NRIP1: variants seen among roughly 807,000 people sequenced by gnomAD.
NRIP1 encodes the protein nuclear receptor-interacting protein 1.
A neutral mutation model predicts 75.0 loss-of-function variants in NRIP1; 28 were observed. The ratio of observed to expected loss-of-function variants is 0.37; its 90% CI spans 0.28 to 0.51. The LOEUF is 0.51. Ranked by LOEUF, NRIP1 falls within the 20% of genes least tolerant of loss-of-function variation. The pLI is 0.92. For synonymous variants in NRIP1, 526 were observed against 487.6 expected, an observed-to-expected ratio of 1.08 and a Z score of -1.04; for missense variants, 1,435 against 1,343.7, an observed-to-expected ratio of 1.07 and a Z score of -1.06.
chr21:15,051,064 A>G (rs2089190215), intron 1 of NRIP1: 3 of 375,524 alleles, frequency 8.0e-6, no homozygotes, highest in South Asian at 6.0e-5. Flanking sequence ...CCTTTCCCAC[A>G]GATACTCCAG....
At position 14,967,082 on chromosome 21, in the gene NRIP1, T is replaced by C; in HGVS notation, c.1111A>G (p.Ile371Val). Residue 371 changes from isoleucine to valine, a missense_variant, in exon 4 of 4, where the codon ATA becomes GTA. By Grantham distance (29) the Ile-to-Val change is conservative. Transcript: ENST00000318948. ...GYKNSLERNN[I>V]KQAANNSLLL... Reference sequence around the variant, plus strand: ...AAACTATTGTTAGCAGCTTGTTTTATATTGTTTCTTTCCAGTGAGTTCTTA... The same window carrying C: ...AAACTATTGTTAGCAGCTTGTTTTACATTGTTTCTTTCCAGTGAGTTCTTA... 1 of 1,614,140 alleles carries C rather than the reference T, an allele frequency of 6.2e-7. No individual in the cohort carries two copies. The highest frequency in any genetic ancestry group is 8.5e-7 in the Non-Finnish European group (1 of 1,180,016).
In NRIP1 at chr21:14,967,313, C is replaced by G; in HGVS notation, c.880G>C (p.Ala294Pro). The G allele has an allele frequency of 1.2e-6, 2 of 1,614,076 alleles. No homozygotes were observed. Among genetic ancestry groups the G allele is most frequent in the Non-Finnish European group, 1.7e-6 (2 of 1,180,010 alleles). Reference protein sequence around the residue: ...ALKTQNANQAASERLAAMARL... With the variant: ...ALKTQNANQAPSERLAAMARL... The stretch of plus-strand genomic sequence containing the variant: ...GCCATAGCAGCAAGTCTTTCACTTG[C>G]TGCTTGATTTGCATTTTGCGTTTTT... Residue 294 changes from alanine (A) to proline (P), a missense_variant, in exon 4 of 4, where the codon GCA becomes CCA. By Grantham distance (27) the Ala-to-Pro change is conservative. Coordinates refer to ENST00000318948, the MANE Select transcript of NRIP1 (RefSeq NM_003489.4).
At chr21:14,990,086 C>T (rs1380009315) in intron 3 of NRIP1, among the ~76,000 whole-genome samples, 1 of 152,078 alleles carries the variant, frequency 6.6e-6, no homozygotes, top group Non-Finnish European at 1.5e-5. Context: ...AATGAATACT[C>T]TAGAATCAGA....
chr21:15,028,690 T>A (rs1378351574), intron 2 of NRIP1, among the ~76,000 whole-genome samples: 1 of 152,226 alleles, frequency 6.6e-6, no homozygotes, highest in Non-Finnish European at 1.5e-5. Context: ...TGTTTCCCTG[T>A]GTTGTTCAAT....
At chr21:14,991,023 ACTT>A (rs1435837477) in intron 3 of NRIP1, among the ~76,000 whole-genome samples, 1 of 151,824 alleles carries the variant, frequency 6.6e-6, no homozygotes, top group Admixed American at 6.6e-5. Flanking sequence ...GCATGTCTCT[ACTT>A]CTTCTTAAAT....
chr21:15,035,753 T>C (rs942553294), intron 2 of NRIP1, among the ~76,000 whole-genome samples: 1 of 152,022 alleles, frequency 6.6e-6, no homozygotes. Flanking sequence ...GGACGAGGTT[T>C]CACTGTGCTG....
At chr21:15,034,450 G>C (rs1245684031) in intron 2 of NRIP1, among the ~76,000 whole-genome samples, 1 of 152,134 alleles carries the variant, frequency 6.6e-6, no homozygotes, top group Non-Finnish European at 1.5e-5. Context: ...CGAAAAGCAA[G>C]TCCATGTGGG....
At chr21:15,027,515 A>G (rs926920566) in intron 2 of NRIP1, among the ~76,000 whole-genome samples, 3 of 152,216 alleles carry the variant, frequency 2.0e-5, no homozygotes, top group Non-Finnish European at 4.4e-5. Context: ...GAGTATATAA[A>G]GAGATACACT....
In NRIP1 at chr21:14,966,962, G is replaced by C; in HGVS notation, c.1231C>G (p.Pro411Ala). The change falls in exon 4 of 4, where the codon CCT becomes GCT. Residue 411 changes from proline to alanine, a missense_variant. Transcript: ENST00000318948. Reference sequence around the variant, plus strand: ...TCTGAATATTCATCAATAGTTGTAGGTGTACTACTTTCCTCAAAAATGCTT... The same window carrying C: ...TCTGAATATTCATCAATAGTTGTAGCTGTACTACTTTCCTCAAAAATGCTT... ...RGSIFEESST[P>A]TTIDEYSDNN... The C allele has an allele frequency of 6.2e-7, 1 of 1,614,086 alleles. No individual in the cohort carries two copies. The highest frequency in any genetic ancestry group is 8.5e-7 in the Non-Finnish European group (1 of 1,179,944).
chr21:14,984,725 C>T (rs190657495), intron 3 of NRIP1, among the ~76,000 whole-genome samples: 60 of 152,230 alleles, frequency 3.9e-4, no homozygotes, highest in African/African-American at 1.4e-3. Flanking sequence ...GTCAACGTGG[C>T]GAATTTCATT....
At chr21:15,009,715 C>T (rs757139074) in intron 3 of NRIP1, among the ~76,000 whole-genome samples, 13 of 151,918 alleles carry the variant, frequency 8.6e-5, no homozygotes, top group Admixed American at 5.2e-4. Flanking sequence ...ATAAAAATTG[C>T]CAGTAATGAC....
intron 3 of NRIP1, chr21:14,974,257 C>G (rs1278427416): frequency 1.3e-5 from 2 of 152,040 alleles, no homozygotes. Flanking sequence ...AAACTGACAG[C>G]TCATCAACAG....
chr21:14,968,302 A>G lies in NRIP1; in HGVS notation c.-110T>C. The G allele has an allele frequency of 1.4e-6, 1 of 706,960 alleles. No individual in the cohort carries two copies. The allele number at this position is 706,960 out of a possible 1,614,324, so 43.8% of individuals were successfully genotyped here. On this transcript the variant is annotated 5_prime_UTR_variant, in exon 4 of 4. An upstream start codon of the reference 5' UTR is lost. Transcript: ENST00000318948. Reference sequence around the variant, plus strand: ...AAGGAGTATCAGTTTATCACCTTCCATCGCAATCAGAGAGAGACGTACTGT... The same window carrying G: ...AAGGAGTATCAGTTTATCACCTTCCGTCGCAATCAGAGAGAGACGTACTGT...
intron 1 of NRIP1, among the ~76,000 whole-genome samples, chr21:15,048,090 C>T (rs1266779745): frequency 6.6e-6 from 1 of 152,062 alleles, no homozygotes; most frequent in African/African-American, 2.4e-5. Flanking sequence ...ACAAGTTCGC[C>T]GGCTGATATG....
Position 14,965,403 on chromosome 21 carries a change from G to A in NRIP1, c.2790C>T (p.Ser930=), listed in dbSNP as rs1162587595. 6.2e-7 allele frequency: 1 copy of A among 1,614,012 alleles called. No individual in the cohort carries two copies. The highest frequency in any genetic ancestry group is 8.5e-7 in the Non-Finnish European group (1 of 1,179,946). The change falls in exon 4 of 4, where the codon AGC becomes AGT. Residue 930 remains serine (S), a synonymous_variant. Transcript: ENST00000318948. The part of the protein sequence containing the change: ...ESEHRSWARE[S]KSFNVLKQLL... ...GCTGTTTCAGAACATTAAAGCTTTTGCTCTCTCTGGCCCAACTCCTGTGTT... is the reference window on the plus strand; with the variant it reads ...GCTGTTTCAGAACATTAAAGCTTTTACTCTCTCTGGCCCAACTCCTGTGTT...
chr21:15,064,240 T>TGGGGGCCGGGC (rs947338108), intron 1 of NRIP1, among the ~76,000 whole-genome samples: 10 of 151,810 alleles, frequency 6.6e-5, no homozygotes, highest in Non-Finnish European at 1.2e-4. Context: ...CGGGGTCGGG[T>TGGGGGCCGGGC]GGGGGCCGGG....
chr21:15,022,184 A>C (rs1241067440), intron 2 of NRIP1, among the ~76,000 whole-genome samples: 1 of 152,236 alleles, frequency 6.6e-6, no homozygotes, highest in Non-Finnish European at 1.5e-5. Flanking sequence ...AATGTGGTAC[A>C]TATATACCAT....
intron 3 of NRIP1, among the ~76,000 whole-genome samples, chr21:14,978,727 C>T (rs1029862792): frequency 6.6e-6 from 1 of 152,034 alleles, no homozygotes; most frequent in Non-Finnish European, 1.5e-5. Flanking sequence ...GTATATGAAT[C>T]GGATTCAATA....
intron 2 of NRIP1, among the ~76,000 whole-genome samples, chr21:15,024,496 C>T (rs901642906): frequency 6.6e-6 from 1 of 151,916 alleles, no homozygotes; most frequent in East Asian, 1.9e-4. Flanking sequence ...GAGCTGAGAA[C>T]GCATCACTGC....
Sources: allele counts gnomAD v4.1 joint callset (sites outside exome capture counted in the v4.1 genomes callset), GRCh38; gene constraint gnomAD v4.1.1; transcripts MANE v1.5; gene names NCBI Gene and HGNC (gene_info 2026-07-23, HGNC 2026-07-21).